The following FBXL7 variants were observed in gnomAD, a reference collection of about 807,000 sequenced individuals.
FBXL7 encodes F-box/LRR-repeat protein 7.
FBXL7 carries 12 observed loss-of-function variants against 38.3 expected under a neutral mutation model. That is an observed-to-expected ratio of 0.31 (90% confidence interval 0.20 to 0.51). The LOEUF (loss-of-function observed/expected upper bound fraction) is 0.51. Among genes scored for constraint, FBXL7 ranks in the 20% least tolerant of loss-of-function variants. The pLI, the probability that FBXL7 is intolerant of heterozygous loss-of-function variation, is 0.98. For missense variants in FBXL7, 567 were observed against 676.4 expected, an observed-to-expected ratio of 0.84 and a Z score of 1.79; for synonymous variants, 297 against 300.9, an observed-to-expected ratio of 0.99 and a Z score of 0.13.
intron 1 of FBXL7, among the ~76,000 whole-genome samples, chr5:15,604,519 T>G (rs1739935186): frequency 6.6e-6 from 1 of 152,108 alleles, no homozygotes; most frequent in Non-Finnish European, 1.5e-5. Context: ...CACACCTGCC[T>G]AATATTTGTA....
chr5:15,739,335 C>A (rs371501010), intron 2 of FBXL7, among the ~76,000 whole-genome samples: 83 of 152,278 alleles, frequency 5.5e-4, no homozygotes, highest in African/African-American at 1.9e-3. Flanking sequence ...ACATTTGTCA[C>A]CTCAACCAGA....
At chr5:15,872,464 C>A (rs1261736167) in intron 2 of FBXL7, among the ~76,000 whole-genome samples, 1 of 151,996 alleles carries the variant, frequency 6.6e-6, no homozygotes, top group Non-Finnish European at 1.5e-5. Flanking sequence ...ACTAAATTCC[C>A]CAATTAAAAG....
chr5:15,696,864 G>C (rs1398962171), intron 2 of FBXL7, among the ~76,000 whole-genome samples: 7 of 152,142 alleles, frequency 4.6e-5, no homozygotes, highest in Non-Finnish European at 8.8e-5. Flanking sequence ...GGTATCTTCT[G>C]TGCAGGCCTT....
intron 2 of FBXL7, among the ~76,000 whole-genome samples, chr5:15,832,296 G>A (rs1401627837): frequency 1.3e-5 from 2 of 152,110 alleles, no homozygotes; most frequent in Admixed American, 6.6e-5. Context: ...TAGCAGCCTT[G>A]TAATATCATG....
At chr5:15,927,380 A>G (rs1741902590) in intron 2 of FBXL7, among the ~76,000 whole-genome samples, 1 of 152,116 alleles carries the variant, frequency 6.6e-6, no homozygotes, top group Non-Finnish European at 1.5e-5. Context: ...CGACACGTGC[A>G]TGTGCTTGGT....
intron 1 of FBXL7, among the ~76,000 whole-genome samples, chr5:15,502,000 A>G (rs527475045): frequency 6.6e-6 from 1 of 151,440 alleles, no homozygotes; most frequent in East Asian, 1.9e-4. Context: ...ATGTGAAAGT[A>G]TGCCAAAAAA....
rs896429911 is a variant in FBXL7, at chr5:15,500,583, G to C, written c.-94G>C. ...GCTTGGGGGGGATGTGCAGCTAACG[G>C]TCCCGTCGGGCGGGCTTTCCTCGGG... is the stretch of plus-strand genomic sequence containing the variant. On this transcript the variant is annotated 5_prime_UTR_variant, in exon 1 of 4. Coordinates refer to ENST00000504595, the MANE Select transcript of FBXL7 (RefSeq NM_012304.5). 1.9e-6 allele frequency: 3 copies of C among 1,560,956 alleles called. No homozygotes were observed. The African/African-American group carries it at 4.1e-5, about 21-fold the overall frequency.
rs566297822 is a variant in FBXL7 at position 15,610,962 on chromosome 5, T to A, written c.38-5021T>A. On this transcript the variant is annotated intron_variant, in intron 1 of 3. Transcript: ENST00000504595. ...AAAACTAATAATTGGCCAATCCAGA[T>A]ACAAACCCAGGCCTCTTCACTCCAG... is the stretch of plus-strand genomic sequence containing the variant. Among the ~76,000 whole-genome samples, 6 of 152,274 alleles carry A rather than the reference T, an allele frequency of 3.9e-5. No homozygotes were observed. In the East Asian group the frequency reaches 1.2e-3, roughly 29 times the overall value.
intron 2 of FBXL7, among the ~76,000 whole-genome samples, chr5:15,906,620 T>A (rs1331664831): frequency 7.5e-6 from 1 of 133,568 alleles, no homozygotes; most frequent in Non-Finnish European, 1.6e-5. Context: ...CACCCACTAA[T>A]GTGTCATCTA....
At chr5:15,890,142 C>T (rs1740839418) in intron 2 of FBXL7, among the ~76,000 whole-genome samples, 1 of 152,122 alleles carries the variant, frequency 6.6e-6, no homozygotes, top group African/African-American at 2.4e-5. Flanking sequence ...CACTACCGGT[C>T]TGTGGCCAGT....
At chr5:15,709,821 C>T (rs1285884879) in intron 2 of FBXL7, among the ~76,000 whole-genome samples, 1 of 152,136 alleles carries the variant, frequency 6.6e-6, no homozygotes, top group Non-Finnish European at 1.5e-5. Context: ...AGAGCCTATT[C>T]TTACAGCATC....
In FBXL7 at chr5:15,936,901, C is replaced by T. The variant is rs61748187; in HGVS notation, c.1191C>T (p.Leu397=). ...TCACGGACCACGGTGTGGAGTACCTCGCCAAGAACTGCACCAAACTCAAAT... is the reference window on the plus strand; with the variant it reads ...TCACGGACCACGGTGTGGAGTACCTTGCCAAGAACTGCACCAAACTCAAAT... ...EGITDHGVEY[L]AKNCTKLKSL... The change falls in exon 4 of 4, where the codon CTC becomes CTT. Residue 397 remains leucine, a synonymous_variant. Coordinates refer to ENST00000504595, the MANE Select transcript of FBXL7 (RefSeq NM_012304.5). This position sits in a 1 kb window ranked among gnomAD's most constrained non-coding sequence, Gnocchi z 6.0. The T allele has an allele frequency of 0.03, 48,588 of 1,614,026 alleles. 829 individuals are homozygous for T. Among genetic ancestry groups the T allele is most frequent in the Non-Finnish European group, 0.036 (41,905 of 1,179,884 alleles).
At chr5:15,744,392 C>T (rs1439422221) in intron 2 of FBXL7, among the ~76,000 whole-genome samples, 2 of 152,176 alleles carry the variant, frequency 1.3e-5, no homozygotes, top group Non-Finnish European at 2.9e-5. Flanking sequence ...AACTTTACTC[C>T]AGTTCCCAAC....
intron 2 of FBXL7, among the ~76,000 whole-genome samples, chr5:15,864,952 G>A (rs1023429312): frequency 1.3e-5 from 2 of 152,130 alleles, no homozygotes; most frequent in African/African-American, 4.8e-5. Context: ...CTTCCTTTAG[G>A]CTGGCTAAAT....
intron 2 of FBXL7, among the ~76,000 whole-genome samples, chr5:15,868,597 T>G (rs1327049995): frequency 6.6e-6 from 1 of 152,120 alleles, no homozygotes; most frequent in Non-Finnish European, 1.5e-5. Flanking sequence ...TAGGCTTCTG[T>G]GTGGACAGCA....
Position 15,508,285 on chromosome 5 carries a change from C to CT in FBXL7, c.37+7573dup, listed in dbSNP as rs764277705. ...ATGGGTACTCACAGTACAGGTTCTA[C>CT]TCAATGCATGGGCTTTTGCACTATG... On this transcript the variant is annotated intron_variant, in intron 1 of 3. Coordinates refer to ENST00000504595, the MANE Select transcript of FBXL7 (RefSeq NM_012304.5). Among the ~76,000 whole-genome samples, 8 of 152,272 alleles carry CT rather than the reference C, an allele frequency of 5.3e-5. No homozygotes were observed. The East Asian group carries it at 1.5e-3, about 29-fold the overall frequency.
intron 2 of FBXL7, among the ~76,000 whole-genome samples, chr5:15,861,633 G>C (rs1739476861): frequency 6.6e-6 from 1 of 152,168 alleles, no homozygotes; most frequent in Non-Finnish European, 1.5e-5. Context: ...AGAAACACAG[G>C]CTTCTCTAGA....
chr5:15,694,992 CAA>C (rs1191383917), intron 2 of FBXL7, among the ~76,000 whole-genome samples: 1 of 152,094 alleles, frequency 6.6e-6, no homozygotes, highest in African/African-American at 2.4e-5. Flanking sequence ...AGAGCTTTAA[CAA>C]GAGCATTTAA....
At chr5:15,744,357 C>T (rs964793077) in intron 2 of FBXL7, among the ~76,000 whole-genome samples, 1 of 152,184 alleles carries the variant, frequency 6.6e-6, no homozygotes, top group Non-Finnish European at 1.5e-5. Flanking sequence ...CAAAATGCCA[C>T]CAGTCTCTTT....
Sources: gnomAD v4.1 joint callset for allele counts (sites outside exome capture counted in the v4.1 genomes callset) on GRCh38, gnomAD v4.1.1 for gene constraint, Gnocchi (gnomAD v3.1) non-coding constraint, MANE v1.5 for transcripts, NCBI Gene and HGNC (gene_info 2026-07-23, HGNC 2026-07-21) for gene names.